CDKL5: variants seen among roughly 807,000 people sequenced by gnomAD.
CDKL5 encodes cyclin-dependent kinase-like 5.
CDKL5 carries 8 observed loss-of-function variants against 61.7 expected under a neutral mutation model. The ratio of observed to expected loss-of-function variants is 0.13; its 90% CI spans 0.08 to 0.23. The LOEUF (loss-of-function observed/expected upper bound fraction) is 0.23. Among genes scored for constraint, CDKL5 ranks in the 10% least tolerant of loss-of-function variants. CDKL5 has a pLI of 1.00. For missense variants in CDKL5, 440 were observed against 734.5 expected (o/e 0.60, Z 4.63); for synonymous variants, 275 against 272.3 (o/e 1.01, Z -0.10).
chrX:18,566,175 A>G (rs1408425461), intron 4 of CDKL5, among the ~76,000 whole-genome samples: 2 of 111,938 alleles, frequency 1.8e-5, no homozygotes, highest in African/African-American at 6.5e-5. Context: ...TTTATGAGAC[A>G]GGGTCTCACA....
At chrX:18,577,377 C>G (rs1205801364) in intron 5 of CDKL5, among the ~76,000 whole-genome samples, 1 of 111,717 alleles carries the variant, frequency 9.0e-6, no homozygotes, top group African/African-American at 3.3e-5. Context: ...TAGAATGTGA[C>G]TGTCACACCT....
chrX:18,645,737 G>A (rs763074313), intron 19 of CDKL5, among the ~76,000 whole-genome samples: 13 of 110,918 alleles, frequency 1.2e-4, no homozygotes, highest in Admixed American at 1.2e-3. Flanking sequence ...GATACTCTTC[G>A]ACTTAAAATA....
At chrX:18,484,922 C>G (rs1168296968) in intron 1 of CDKL5, among the ~76,000 whole-genome samples, 1 of 109,983 alleles carries the variant, frequency 9.1e-6, no homozygotes, top group Admixed American at 9.8e-5. Flanking sequence ...CCATGCCCGG[C>G]TGACTTTGTA....
Position 18,439,394 on chromosome X carries a change from G to GGTGTGTGTGTGT in CDKL5, c.-163+13716_-163+13727dup, listed in dbSNP as rs752724398. On this transcript the variant is annotated intron_variant, in intron 1 of 17. Coordinates refer to ENST00000623535, the MANE Select transcript of CDKL5 (RefSeq NM_001323289.2). ...AAATGCTGAGTTCTATTCCATAATA[G>GGTGTGTGTGTGT]GTGTGTGTGTGTGTGTGTGTGTGTG... is the stretch of plus-strand genomic sequence containing the variant. Among the ~76,000 whole-genome samples the GGTGTGTGTGTGT allele has an allele frequency of 3.1e-3, 320 of 101,902 alleles. 2 individuals carry two copies. The Middle Eastern group carries it at 0.048, about 15-fold the overall frequency. The allele number at this position is 101,902 out of a possible 115,157, so 88.5% of individuals were successfully genotyped here.
In CDKL5 at chrX:18,632,994, G is replaced by T; in HGVS notation, c.*4237G>T. Reference sequence around the variant, plus strand: ...TGTGTAGAAAGATCTGTCTATTTCTGTTCACCTGGGACCTGGTGGTGACTG... The same window carrying T: ...TGTGTAGAAAGATCTGTCTATTTCTTTTCACCTGGGACCTGGTGGTGACTG... On this transcript the variant is annotated 3_prime_UTR_variant, in exon 18 of 18. Transcript: ENST00000623535. 1.3e-6 allele frequency: 1 copy of T among 754,250 alleles called. No homozygotes were observed. 62.2% of individuals were successfully genotyped at this position (754,250 alleles called of 1,213,427 possible).
chrX:18,651,283 G>GAC (rs1928035198), intron 21 of CDKL5, among the ~76,000 whole-genome samples: 1 of 108,676 alleles, frequency 9.2e-6, no homozygotes, highest in African/African-American at 3.4e-5. Context: ...GAGAGAGAGA[G>GAC]AGAGACAGAG....
intron 4 of CDKL5, among the ~76,000 whole-genome samples, chrX:18,564,740 C>T (rs1271201072): frequency 2.7e-5 from 3 of 110,550 alleles, no homozygotes; most frequent in Non-Finnish European, 5.7e-5. Context: ...TTTCAAATCT[C>T]ATGATATTAG....
chrX:18,630,690 A>G lies in CDKL5; in HGVS notation c.*1933A>G. 3 of 747,863 alleles carry G rather than the reference A, an allele frequency of 4.0e-6. No individual in the cohort carries two copies. Among genetic ancestry groups the G allele is most frequent in the Non-Finnish European group, 4.7e-6 (3 of 634,221 alleles). 61.6% of individuals were successfully genotyped at this position (747,863 alleles called of 1,213,427 possible). On this transcript the variant is annotated 3_prime_UTR_variant, in exon 18 of 18. Coordinates refer to ENST00000623535, the MANE Select transcript of CDKL5 (RefSeq NM_001323289.2). Reference sequence around the variant, plus strand: ...TTAAGGTGCTTTTTATTTAATTTTAATGAGTGTAATAGGCACTAAAATGAA... The same window carrying G: ...TTAAGGTGCTTTTTATTTAATTTTAGTGAGTGTAATAGGCACTAAAATGAA...
exon 20 of CDKL5, chrX:18,646,039 C>A (rs1191207828): frequency 8.3e-7 from 1 of 1,210,077 alleles, no homozygotes; most frequent in Admixed American, 2.2e-5. Flanking sequence ...ACAGAGACAC[C>A]ATTCTGGACC....
intron 3 of CDKL5, among the ~76,000 whole-genome samples, chrX:18,546,083 T>C (rs1924182026): frequency 9.0e-6 from 1 of 110,877 alleles, no homozygotes; most frequent in Non-Finnish European, 1.9e-5. Context: ...AGGCTTATTA[T>C]GGTGGCACAG....
chrX:18,646,754 C>T (rs969383435), intron 20 of CDKL5, among the ~76,000 whole-genome samples: 3 of 111,193 alleles, frequency 2.7e-5, no homozygotes, highest in African/African-American at 9.8e-5. Flanking sequence ...CCTGCTGTAC[C>T]CCACGCCTCT....
intron 1 of CDKL5, among the ~76,000 whole-genome samples, chrX:18,490,107 C>T (rs1277074132): frequency 9.0e-6 from 1 of 111,699 alleles, no homozygotes; most frequent in African/African-American, 3.3e-5. Flanking sequence ...AAGGCCTGTG[C>T]TGGCTCCCCA....
At chrX:18,560,387 AG>A (rs1182852505) in intron 3 of CDKL5, among the ~76,000 whole-genome samples, 1 of 112,453 alleles carries the variant, frequency 8.9e-6, no homozygotes, top group Non-Finnish European at 1.9e-5. Flanking sequence ...AAAGAAAGCC[AG>A]GAAGATATGA....
intron 3 of CDKL5, among the ~76,000 whole-genome samples, chrX:18,541,061 T>C (rs1187231032): frequency 8.9e-6 from 1 of 112,219 alleles, no homozygotes; most frequent in Admixed American, 9.4e-5. Flanking sequence ...GAGAATACAC[T>C]GTCATTCAAA....
chrX:18,554,140 T>C (rs992921058), intron 3 of CDKL5, among the ~76,000 whole-genome samples: 1 of 107,734 alleles, frequency 9.3e-6, no homozygotes, highest in Admixed American at 1.0e-4. Flanking sequence ...TATGTATACA[T>C]GTGCCATGTT....
chrX:18,518,256 T>G (rs978179104), intron 3 of CDKL5, among the ~76,000 whole-genome samples: 1 of 108,474 alleles, frequency 9.2e-6, no homozygotes, highest in Admixed American at 1.0e-4. Flanking sequence ...GAAAATCTGT[T>G]GAATGCCTAT....
chrX:18,507,477 G>T (rs1922625556), intron 2 of CDKL5, among the ~76,000 whole-genome samples: 1 of 90,580 alleles, frequency 1.1e-5, no homozygotes. Flanking sequence ...GCAATCATGA[G>T]TTCCTTAGTC....
chrX:18,520,901 A>G (rs1034949141), intron 3 of CDKL5, among the ~76,000 whole-genome samples: 3 of 111,662 alleles, frequency 2.7e-5, no homozygotes, highest in African/African-American at 9.8e-5. Context: ...ACCATGCCTG[A>G]CTAATTTTTG....
intron 2 of CDKL5, among the ~76,000 whole-genome samples, chrX:18,510,218 C>T (rs1343717912): frequency 2.7e-5 from 3 of 111,123 alleles, no homozygotes; most frequent in African/African-American, 6.5e-5. Context: ...TGCAGTGGCG[C>T]GATCTGGACT....
Sources: gnomAD v4.1 joint callset for allele counts (sites outside exome capture counted in the v4.1 genomes callset) on GRCh38, gnomAD v4.1.1 for gene constraint, MANE v1.5 for transcripts, NCBI Gene and HGNC (gene_info 2026-07-23, HGNC 2026-07-21) for gene names.